The following XRN1 variants were observed in gnomAD, a reference collection of about 807,000 sequenced individuals.
The protein encoded by XRN1 is 5'-3' exoribonuclease 1, also known as strand-exchange protein 1 homolog.
In XRN1, 67 loss-of-function variants were observed where a neutral mutation model predicts 222.3. The ratio of observed to expected loss-of-function variants is 0.30; its 90% CI spans 0.25 to 0.37. The LOEUF (loss-of-function observed/expected upper bound fraction) is 0.37, where lower values mean the gene tolerates loss of function less well. Among genes scored for constraint, XRN1 ranks in the 10% least tolerant of loss-of-function variants. The pLI is 1.00. For synonymous variants in XRN1, 643 were observed against 652.4 expected (o/e 0.99, Z 0.22); for missense variants, 1,707 against 2,000.2 (o/e 0.85, Z 2.80).
chr3:142,347,335 A>G lies in XRN1; in HGVS notation c.3776T>C (p.Val1259Ala), dbSNP rs35902661. 6.4e-7 allele frequency: 1 copy of G among 1,569,248 alleles called. No individual in the cohort carries two copies. Among genetic ancestry groups the G allele is most frequent in the African/African-American group, 1.4e-5 (1 of 73,184 alleles). The change falls in exon 33 of 41, where the codon GTT becomes GCT. Residue 1259 changes from valine to alanine, a missense_variant. Coordinates refer to ENST00000392981, the MANE Select transcript of XRN1 (RefSeq NM_001282857.2). Reference sequence around the variant, plus strand: ...TACTTGGCTTATTTCTTGAGGTAGAACTGCACCCTGAAAATTAAAATTCTT... The same window carrying G: ...TACTTGGCTTATTTCTTGAGGTAGAGCTGCACCCTGAAAATTAAAATTCTT... ...FQPTIQEKGA[V>A]LPQEISQVNQ... is the part of the protein sequence containing the mutation.
intron 14 of XRN1, 144 bp downstream of exon 14, chr3:142,413,991 G>A (rs1468945684): frequency 5.0e-6 from 4 of 797,302 alleles, no homozygotes; most frequent in South Asian, 2.8e-5. Context: ...ACTTTTCAAG[G>A]GACTTGTTAA....
chr3:142,444,143 G>GA (rs1291102154), intron 1 of XRN1, among the ~76,000 whole-genome samples: 2 of 152,278 alleles, frequency 1.3e-5, no homozygotes, highest in African/African-American at 4.8e-5. Flanking sequence ...AAGAAAAACT[G>GA]AAAGAACGAA....
chr3:142,420,011 C>T (rs1471869320), intron 10 of XRN1, among the ~76,000 whole-genome samples: 1 of 152,094 alleles, frequency 6.6e-6, no homozygotes, highest in Non-Finnish European at 1.5e-5. Flanking sequence ...TGCTATTAGG[C>T]TGGCACAAAA....
chr3:142,440,094 T>C (rs1234971514), intron 1 of XRN1, among the ~76,000 whole-genome samples: 1 of 152,136 alleles, frequency 6.6e-6, no homozygotes, highest in Non-Finnish European at 1.5e-5. Flanking sequence ...CACAGAGCCC[T>C]GGGTATGCTT....
intron 1 of XRN1, among the ~76,000 whole-genome samples, chr3:142,442,678 T>A (rs542610354): frequency 6.6e-6 from 1 of 152,230 alleles, no homozygotes; most frequent in Non-Finnish European, 1.5e-5. Flanking sequence ...GCCTGTAAAG[T>A]GTGCCAAAGA....
chr3:142,395,005 A>G (rs2067874508), intron 20 of XRN1, among the ~76,000 whole-genome samples: 1 of 152,222 alleles, frequency 6.6e-6, no homozygotes, highest in Admixed American at 6.5e-5. Flanking sequence ...AGATACATGG[A>G]GATATGAGAT....
intron 33 of XRN1, among the ~76,000 whole-genome samples, chr3:142,345,674 A>G (rs1458291259): frequency 6.6e-6 from 1 of 152,224 alleles, no homozygotes; most frequent in Non-Finnish European, 1.5e-5. Context: ...TGTAATATCT[A>G]GCATGTATAA....
chr3:142,399,771 C>A (rs1345195609), intron 19 of XRN1, among the ~76,000 whole-genome samples: 1 of 149,504 alleles, frequency 6.7e-6, no homozygotes, highest in African/African-American at 2.5e-5. Context: ...GAAACTGGGC[C>A]TCCAAAATTC....
chr3:142,356,824 A>G (rs1012668959), intron 31 of XRN1, 88 bp downstream of exon 31: 43 of 1,383,564 alleles, frequency 3.1e-5, no homozygotes, highest in Non-Finnish European at 4.1e-5. Flanking sequence ...AGGGAAACTA[A>G]GTTAAATTAG....
At chr3:142,358,602 GA>G (rs537902308) in intron 30 of XRN1, among the ~76,000 whole-genome samples, 13 of 151,958 alleles carry the variant, frequency 8.6e-5, no homozygotes, top group Admixed American at 2.0e-4. Context: ...GGAGAGGGGG[GA>G]AAAAACCACA....
intron 27 of XRN1, among the ~76,000 whole-genome samples, chr3:142,368,032 T>C (rs1308875075): frequency 2.0e-5 from 3 of 150,668 alleles, no homozygotes; most frequent in Non-Finnish European, 4.4e-5. Flanking sequence ...CATATATGTA[T>C]GATCATATAT....
Position 142,365,079 on chromosome 3 carries a change from C to T in XRN1, c.3362G>A (p.Gly1121Asp). 1 of 1,613,126 alleles carries T rather than the reference C, an allele frequency of 6.2e-7. No homozygotes were observed. Among genetic ancestry groups the T allele is most frequent in the South Asian group, 1.1e-5 (1 of 90,954 alleles). ...TATTCCTATGATGGTGCCTCGAAGG[C>T]CAACTGGAACTGAGAAGTTTTCTCT... ...NVRENFSVPV[G>D]LRGTIIGIKG... The change falls in exon 29 of 41, where the codon GGC becomes GAC. Residue 1121 changes from glycine to aspartate, a missense_variant. Coordinates refer to ENST00000392981, the MANE Select transcript of XRN1 (RefSeq NM_001282857.2).
At chr3:142,396,583 A>G (rs1178225219) in intron 20 of XRN1, among the ~76,000 whole-genome samples, 3 of 152,136 alleles carry the variant, frequency 2.0e-5, no homozygotes, top group Non-Finnish European at 2.9e-5. Flanking sequence ...ATGGTTTTTC[A>G]TGGTCTTTGA....
intron 1 of XRN1, among the ~76,000 whole-genome samples, chr3:142,440,044 G>A (rs1435911299): frequency 6.6e-6 from 1 of 152,192 alleles, no homozygotes; most frequent in Non-Finnish European, 1.5e-5. Flanking sequence ...CAGCAGGACT[G>A]AGGGTGCCCG....
intron 14 of XRN1, 98 bp downstream of exon 14, chr3:142,414,037 T>G: frequency 8.1e-7 from 1 of 1,231,890 alleles, no homozygotes; most frequent in Non-Finnish European, 1.1e-6. Flanking sequence ...AATAACTACT[T>G]AGCTACCAAA....
At position 142,422,637 on chromosome 3, in the gene XRN1, A is replaced by G; in HGVS notation, c.912T>C (p.His304=). ...IPHLPHLHIN[H]DALPLLYGTY... Reference sequence around the variant, plus strand: ...TTCCATAAAGAAGAGGCAGTGCATCATGATTAATATGTAAATGAGGTAGAT... The same window carrying G: ...TTCCATAAAGAAGAGGCAGTGCATCGTGATTAATATGTAAATGAGGTAGAT... The change falls in exon 8 of 41, where the codon CAT becomes CAC. Residue 304 remains histidine (H), a synonymous_variant. Transcript: ENST00000392981. 1 of 1,613,688 alleles carries G rather than the reference A, an allele frequency of 6.2e-7. No individual in the cohort carries two copies. Among genetic ancestry groups the G allele is most frequent in the South Asian group, 1.1e-5 (1 of 91,040 alleles).
At chr3:142,442,342 T>C (rs554668396) in intron 1 of XRN1, among the ~76,000 whole-genome samples, 11 of 152,222 alleles carry the variant, frequency 7.2e-5, no homozygotes, top group South Asian at 2.1e-4. Context: ...CAAGAGGATA[T>C]TGAAGCCAAA....
In XRN1 at chr3:142,365,292, CT is replaced by C; in HGVS notation, c.3261+17del. The C allele has an allele frequency of 6.3e-7, 1 of 1,590,500 alleles. No homozygotes were observed. ...AAAGTGAAAGCAACAACTCTGAATTCTTTGATAGGAAACTTACTCTGTATAG... is the reference window on the plus strand; with the variant it reads ...AAAGTGAAAGCAACAACTCTGAATTCTTGATAGGAAACTTACTCTGTATAG... On this transcript the variant is annotated intron_variant, in intron 28 of 40. Transcript: ENST00000392981.
At chr3:142,363,940 G>A (rs1309157908) in intron 29 of XRN1, among the ~76,000 whole-genome samples, 1 of 152,180 alleles carries the variant, frequency 6.6e-6, no homozygotes, top group Non-Finnish European at 1.5e-5. Flanking sequence ...AAAAATTAGG[G>A]AAGAAAATTC....
Sources: allele counts gnomAD v4.1 joint callset (sites outside exome capture counted in the v4.1 genomes callset), GRCh38; gene constraint gnomAD v4.1.1; transcripts MANE v1.5; gene names NCBI Gene and HGNC (gene_info 2026-07-23, HGNC 2026-07-21).